Variants in NOL10 observed in about 807,000 individuals in gnomAD.
NOL10 encodes H_NH0074G24.1.
In NOL10, 58 loss-of-function variants were observed where a neutral mutation model predicts 103.5. The ratio of observed to expected loss-of-function variants is 0.56; its 90% confidence interval spans 0.45 to 0.70. The LOEUF is 0.70. NOL10 is among the 30% of genes least tolerant of loss of function. The pLI, the probability that NOL10 is intolerant of heterozygous loss-of-function variation, is 0.00. For missense variants in NOL10, 763 were observed against 807.3 expected (o/e 0.95, Z 0.67); for synonymous variants, 287 against 282.5 (o/e 1.02, Z -0.16).
At chr2:10,641,177 A>T (rs1678677053) in intron 13 of NOL10, among the ~76,000 whole-genome samples, 1 of 132,088 alleles carries the variant, frequency 7.6e-6, no homozygotes, top group Admixed American at 9.1e-5. Flanking sequence ...AAAAATACAA[A>T]AAAAAAAAAA....
intron 20 of NOL10, among the ~76,000 whole-genome samples, chr2:10,574,138 A>G (rs1674328191): frequency 6.6e-6 from 1 of 152,164 alleles, no homozygotes; most frequent in South Asian, 2.1e-4. Context: ...CTCTCCCAGT[A>G]GACTGAGAAC....
At position 10,577,631 on chromosome 2, in the gene NOL10, C is replaced by T; in HGVS notation, c.1947+5G>A. The T allele has an allele frequency of 6.3e-7, 1 of 1,596,636 alleles. No individual in the cohort carries two copies. The highest frequency in any genetic ancestry group is 8.6e-7 in the Non-Finnish European group (1 of 1,166,678). On this transcript the variant is annotated splice_donor_5th_base_variant and intron_variant, in intron 20 of 20. Coordinates refer to ENST00000381685, the MANE Select transcript of NOL10 (RefSeq NM_024894.4). ...ATTAAAAAATAACAATAAAAGACAA[C>T]TCACCCTCTTTAACGTGAATGTCAA...
intron 14 of NOL10, among the ~76,000 whole-genome samples, chr2:10,606,607 CA>C (rs35623656): frequency 0.071 from 7,935 of 111,712 alleles, 382 homozygotes; most frequent in African/African-American, 0.17. Context: ...GACTCTGTCT[CA>C]AAAAAAAAAA....
At chr2:10,644,685 C>T (rs964349090) in intron 12 of NOL10, among the ~76,000 whole-genome samples, 2 of 152,198 alleles carry the variant, frequency 1.3e-5, no homozygotes, top group Admixed American at 6.5e-5. Context: ...GACTACAGCA[C>T]AGTCACTCCC....
chr2:10,675,892 G>A (rs1572428677), intron 3 of NOL10, 21 bp from the exon 4 acceptor site: 5 of 1,387,176 alleles, frequency 3.6e-6, no homozygotes, highest in Non-Finnish European at 5.0e-6. Context: ...TTAATGTGAT[G>A]TAAAACCTAA....
intron 13 of NOL10, among the ~76,000 whole-genome samples, chr2:10,638,268 G>C (rs1678406051): frequency 6.6e-6 from 1 of 151,792 alleles, no homozygotes; most frequent in Non-Finnish European, 1.5e-5. Context: ...CAGGGTGACA[G>C]AGCAAGACCC....
intron 13 of NOL10, among the ~76,000 whole-genome samples, chr2:10,642,776 T>C (rs1243676055): frequency 1.3e-5 from 2 of 152,134 alleles, no homozygotes; most frequent in African/African-American, 4.8e-5. Context: ...AGTCTCTCCC[T>C]CTGGGAAGTA....
chr2:10,666,437 C>A (rs1680571250), intron 8 of NOL10, among the ~76,000 whole-genome samples: 1 of 152,054 alleles, frequency 6.6e-6, no homozygotes, highest in South Asian at 2.1e-4. Context: ...ACCTCCGCCC[C>A]CCTGCCTCAG....
rs530974737 is a variant in NOL10 at position 10,652,511 on chromosome 2, C to A, written c.973+1970G>T. On this transcript the variant is annotated intron_variant, in intron 12 of 20. Transcript: ENST00000381685. ...CATCCAGATTGATAACAGCAGCATG[C>A]AATCAATCTTAGTTCTTTCCTTCCT... Among the ~76,000 whole-genome samples, 144 of 152,252 alleles carry A rather than the reference C, an allele frequency of 9.5e-4. 1 individual carries two copies. Among genetic ancestry groups the A allele is most frequent in the Non-Finnish European group, 1.7e-3 (113 of 68,010 alleles).
intron 13 of NOL10, among the ~76,000 whole-genome samples, chr2:10,628,091 C>T (rs116284596): frequency 0.037 from 5,688 of 152,184 alleles, 208 homozygotes; most frequent in African/African-American, 0.094. Context: ...TGAAAACTTT[C>T]GTCTTCAGGC....
chr2:10,603,547 G>A (rs771139248), intron 14 of NOL10, among the ~76,000 whole-genome samples: 5 of 152,066 alleles, frequency 3.3e-5, no homozygotes, highest in African/African-American at 7.2e-5. Context: ...CATTGTCATC[G>A]ACCATTTGCA....
chr2:10,663,949 TCC>T (rs1680393051), intron 8 of NOL10, among the ~76,000 whole-genome samples: 1 of 144,392 alleles, frequency 6.9e-6, no homozygotes, highest in African/African-American at 2.6e-5. Context: ...AGACTCCGTC[TCC>T]AAAAAAAAAA....
At chr2:10,673,279 A>G (rs761272354) in intron 5 of NOL10, 1 of 342,096 alleles carries the variant, frequency 2.9e-6, no homozygotes, top group Non-Finnish European at 5.4e-6. Context: ...AAGGTTTCAT[A>G]TACGATATGA....
rs532968664 is a variant in NOL10 at position 10,689,807 on chromosome 2, A to C, written c.55T>G (p.Ser19Ala). 5.1e-5 allele frequency: 82 copies of C among 1,605,438 alleles called. 1 individual carries two copies. In the South Asian group the frequency reaches 8.9e-4, roughly 17 times the overall value. The change falls in exon 1 of 21, where the codon TCC (serine) becomes GCC (alanine). Residue 19 changes from serine (S) to alanine (A), a missense_variant. Coordinates refer to ENST00000381685, the MANE Select transcript of NOL10 (RefSeq NM_024894.4). ...GGGAAGTGACTCACCTCAGGAAGGGACTTGCCGCAGCTGAGGCTGTAAATC... is the reference window on the plus strand; with the variant it reads ...GGGAAGTGACTCACCTCAGGAAGGGCCTTGCCGCAGCTGAGGCTGTAAATC... ...VKIYSLSCGK[S>A]LPEWLSDRKK...
chr2:10,621,370 T>G (rs12464908), intron 13 of NOL10, among the ~76,000 whole-genome samples: 89,464 of 151,400 alleles, frequency 0.59, 27,380 homozygotes, highest in African/African-American at 0.74. Context: ...AAAGCAGGAG[T>G]ATCGTTTGAG....
chr2:10,584,290 C>T (rs890569053), intron 19 of NOL10, among the ~76,000 whole-genome samples: 2 of 152,130 alleles, frequency 1.3e-5, no homozygotes, highest in South Asian at 4.1e-4. Context: ...CTGGTATGCT[C>T]GCACTGAGCA....
chr2:10,637,687 G>T (rs1678356932), intron 13 of NOL10, among the ~76,000 whole-genome samples: 1 of 152,214 alleles, frequency 6.6e-6, no homozygotes, highest in Non-Finnish European at 1.5e-5. Context: ...AAGCTGTGTG[G>T]TATGTATTTT....
At chr2:10,606,359 T>C (rs1676257817) in intron 14 of NOL10, among the ~76,000 whole-genome samples, 1 of 151,972 alleles carries the variant, frequency 6.6e-6, no homozygotes, top group Non-Finnish European at 1.5e-5. Context: ...GCGTGGTGGC[T>C]CGCACCTGTA....
At chr2:10,678,718 GA>G (rs1309658510) in intron 3 of NOL10, among the ~76,000 whole-genome samples, 1 of 152,128 alleles carries the variant, frequency 6.6e-6, no homozygotes, top group African/African-American at 2.4e-5. Context: ...GGGAATCTGA[GA>G]AAGAAGTAGG....
Sources: allele counts gnomAD v4.1 joint callset (sites outside exome capture counted in the v4.1 genomes callset), GRCh38; gene constraint gnomAD v4.1.1; transcripts MANE v1.5; gene names NCBI Gene and HGNC (gene_info 2026-07-23, HGNC 2026-07-21).